Variants in SMIM31 observed in about 807,000 individuals in gnomAD.
The protein encoded by SMIM31 is human epithelial cell program regulator.
Position 164,803,003 on chromosome 4 carries a change from T to TA in SMIM31, c.*1815dup. 6.6e-6 allele frequency: 1 copy of TA among 152,204 alleles called. No individual in the cohort carries two copies. The highest frequency in any genetic ancestry group is 2.4e-5 in the African/African-American group (1 of 41,440). 9.4% of individuals were successfully genotyped at this position (152,204 alleles called of 1,614,324 possible). ...GTTCTCTCTGAAAAAATGAGCATTT[T>TA]AAAAAATCTTTGCTGGGCTGACAAA... On this transcript the variant is annotated 3_prime_UTR_variant, in exon 3 of 3. Transcript: ENST00000507311.
intron 1 of SMIM31, among the ~76,000 whole-genome samples, chr4:164,769,744 A>T (rs1340356615): frequency 7.0e-5 from 2 of 28,700 alleles, no homozygotes; most frequent in Middle Eastern, 0.013. Context: ...TTAAAGTATA[A>T]AAAAAAAAAA....
Position 164,762,732 on chromosome 4 carries a change from G to A in SMIM31, c.-25-7687G>A, listed in dbSNP as rs141630505. ...AAAGTGTTCAGTATCTAATCAGAGC[G>A]CACAATGCTGCTATAAAACAATGTA... On this transcript the variant is annotated intron_variant, in intron 1 of 2. Coordinates refer to ENST00000507311, the MANE Select transcript of SMIM31 (RefSeq NM_001352885.1). Among the ~76,000 whole-genome samples, 69 of 151,268 alleles carry A rather than the reference G, an allele frequency of 4.6e-4. No individual in the cohort carries two copies. The East Asian group carries it at 5.6e-3, about 12-fold the overall frequency.
rs7681632 is a variant in SMIM31, at chr4:164,791,389, G to C, written c.113-9702G>C. Among the ~76,000 whole-genome samples the C allele has an allele frequency of 6.6e-5, 10 of 152,050 alleles. No homozygotes were observed. In the East Asian group the frequency reaches 1.9e-3, roughly 30 times the overall value. On this transcript the variant is annotated intron_variant, in intron 2 of 2. Coordinates refer to ENST00000507311, the MANE Select transcript of SMIM31 (RefSeq NM_001352885.1). Reference sequence around the variant, plus strand: ...GCTCTGTTGCCTAGGCTGGACTGCAGTGGTGCGATCTCAGCTTACTGCAAC... The same window carrying C: ...GCTCTGTTGCCTAGGCTGGACTGCACTGGTGCGATCTCAGCTTACTGCAAC...
intron 2 of SMIM31, chr4:164,787,494 T>C (rs1408952864): frequency 6.6e-6 from 1 of 151,980 alleles, no homozygotes; most frequent in Non-Finnish European, 1.5e-5. Flanking sequence ...CTCCTTTTTT[T>C]CCTTCTTTTC....
At chr4:164,765,834 G>C (rs1299255259) in intron 1 of SMIM31, among the ~76,000 whole-genome samples, 3 of 152,096 alleles carry the variant, frequency 2.0e-5, no homozygotes, top group East Asian at 1.9e-4. Flanking sequence ...GCCCAGAAAA[G>C]TGCATTTACT....
intron 2 of SMIM31, among the ~76,000 whole-genome samples, chr4:164,773,928 A>G (rs1306665528): frequency 6.6e-6 from 1 of 152,172 alleles, no homozygotes; most frequent in East Asian, 1.9e-4. Context: ...GCACTTTGGG[A>G]GGCCGAGGCG....
At chr4:164,763,817 G>GA (rs1240450492) in intron 1 of SMIM31, among the ~76,000 whole-genome samples, 1 of 152,070 alleles carries the variant, frequency 6.6e-6, no homozygotes, top group African/African-American at 2.4e-5. Context: ...GTGTATATAT[G>GA]AAAAAATCAA....
At chr4:164,764,428 G>A (rs529307452) in intron 1 of SMIM31, among the ~76,000 whole-genome samples, 32 of 152,160 alleles carry the variant, frequency 2.1e-4, no homozygotes, top group African/African-American at 5.8e-4. Context: ...TTAGCTGAGC[G>A]TGGTGGCGTG....
chr4:164,773,533 C>T (rs558870233), intron 2 of SMIM31, among the ~76,000 whole-genome samples: 204 of 152,228 alleles, frequency 1.3e-3, no homozygotes, highest in African/African-American at 4.7e-3. Context: ...GGGAAAGGCC[C>T]TTATAAAACC....
intron 1 of SMIM31, among the ~76,000 whole-genome samples, chr4:164,756,598 A>G (rs1354422252): frequency 8.6e-5 from 13 of 151,724 alleles, no homozygotes; most frequent in Admixed American, 8.5e-4. Flanking sequence ...TAATATAAAC[A>G]AATAAAAAGA....
At chr4:164,765,268 C>T (rs1732705047) in intron 1 of SMIM31, among the ~76,000 whole-genome samples, 1 of 152,296 alleles carries the variant, frequency 6.6e-6, no homozygotes, top group South Asian at 2.1e-4. Context: ...GTAGGAACAG[C>T]ATTGACAGGA....
intron 2 of SMIM31, among the ~76,000 whole-genome samples, chr4:164,771,498 C>A (rs757610583): frequency 6.6e-6 from 1 of 152,132 alleles, no homozygotes; most frequent in East Asian, 1.9e-4. Flanking sequence ...CCATCTTCGA[C>A]ATAAATTTTA....
At chr4:164,764,565 C>CA (rs11388843) in intron 1 of SMIM31, among the ~76,000 whole-genome samples, 63,350 of 129,948 alleles carry the variant, frequency 0.49, 15,344 homozygotes, top group Admixed American at 0.57. Context: ...GACTCCATCT[C>CA]AAAAAAAAAA....
In SMIM31 at chr4:164,770,429, T is replaced by G. The variant is rs1355407992; in HGVS notation, c.-15T>G. The G allele has an allele frequency of 2.5e-6, 1 of 398,998 alleles. No homozygotes were observed. Among genetic ancestry groups the G allele is most frequent in the African/African-American group, 2.1e-5 (1 of 48,740 alleles). 24.7% of individuals were successfully genotyped at this position (398,998 alleles called of 1,614,324 possible). ...TTATTCCTATTGTAGGTGAAGAAGT[T>G]TTCGGTGGTGGTTCATGGAGCTTCC... On this transcript the variant is annotated 5_prime_UTR_variant, in exon 2 of 3. Coordinates refer to ENST00000507311, the MANE Select transcript of SMIM31 (RefSeq NM_001352885.1).
At chr4:164,772,194 T>G (rs1390220675) in intron 2 of SMIM31, among the ~76,000 whole-genome samples, 1 of 152,112 alleles carries the variant, frequency 6.6e-6, no homozygotes, top group African/African-American at 2.4e-5. Flanking sequence ...AAAGGGGTAG[T>G]GAGGCATCTC....
At chr4:164,772,728 G>A (rs1207083292) in intron 2 of SMIM31, among the ~76,000 whole-genome samples, 65 of 151,398 alleles carry the variant, frequency 4.3e-4, no homozygotes, top group Non-Finnish European at 7.7e-4. Flanking sequence ...ACAGGCGCCC[G>A]CCACCACGCC....
intron 1 of SMIM31, among the ~76,000 whole-genome samples, chr4:164,765,519 GA>G (rs765539086): frequency 1.3e-5 from 2 of 149,772 alleles, no homozygotes; most frequent in Non-Finnish European, 3.0e-5. Context: ...AGATAAAACG[GA>G]AAAAAGTGCC....
chr4:164,794,577 C>T (rs146787405), intron 2 of SMIM31, among the ~76,000 whole-genome samples: 2,790 of 152,154 alleles, frequency 0.018, 92 homozygotes, highest in African/African-American at 0.061. Flanking sequence ...GAGGCCAAGG[C>T]GGGTGGATCA....
rs1733307712 is a variant in SMIM31 at position 164,803,072 on chromosome 4, G to A, written c.*1878G>A. On this transcript the variant is annotated 3_prime_UTR_variant, in exon 3 of 3. Transcript: ENST00000507311. ...AGTAAAATGTGTAACTCAGTGCCTA[G>A]GATCGTTGCTGAATAACGCTACCTA... The A allele has an allele frequency of 6.6e-6, 1 of 152,180 alleles. No homozygotes were observed. The highest frequency in any genetic ancestry group is 2.1e-4 in the South Asian group (1 of 4,830). 9.4% of individuals were successfully genotyped at this position (152,180 alleles called of 1,614,324 possible).
Sources: allele counts gnomAD v4.1 joint callset (sites outside exome capture counted in the v4.1 genomes callset), GRCh38; gene constraint gnomAD v4.1.1; transcripts MANE v1.5; gene names NCBI Gene and HGNC (gene_info 2026-07-23, HGNC 2026-07-21).